GRK5: variants seen among roughly 807,000 people sequenced by gnomAD.
GRK5 encodes the protein g protein-coupled receptor kinase GRK5.
In GRK5, 40 loss-of-function variants were observed where a neutral mutation model predicts 78.4. That is an observed-to-expected ratio of 0.51 (90% CI 0.40 to 0.66). The LOEUF (loss-of-function observed/expected upper bound fraction) is 0.66, where lower values mean the gene tolerates loss of function less well. Ranked by LOEUF, GRK5 falls within the 30% of genes least tolerant of loss-of-function variation. The pLI is 0.00. For missense variants in GRK5, 598 were observed against 759.9 expected, an observed-to-expected ratio of 0.79 and a Z score of 2.50; for synonymous variants, 289 against 296.8, an observed-to-expected ratio of 0.97 and a Z score of 0.27.
chr10:119,399,397 G>A lies in GRK5; in HGVS notation c.339+2625G>A, dbSNP rs147616061. On this transcript the variant is annotated intron_variant, in intron 4 of 15. Transcript: ENST00000392870. ...CAAGGTGCTGGCTGAGGAGCTGAGC[G>A]AGTGACTGAGGCCCCAGCACTGGCT... Among the ~76,000 whole-genome samples, 420 of 152,308 alleles carry A rather than the reference G, an allele frequency of 2.8e-3. 1 individual carries two copies. Among genetic ancestry groups the A allele is most frequent in the African/African-American group, 9.5e-3 (393 of 41,562 alleles).
At chr10:119,310,604 A>C (rs958646042) in intron 1 of GRK5, among the ~76,000 whole-genome samples, 7 of 152,186 alleles carry the variant, frequency 4.6e-5, no homozygotes, top group Non-Finnish European at 8.8e-5. Context: ...AGACATTTTT[A>C]AGAAGATCAA....
In GRK5 at chr10:119,430,465, G is replaced by T; in HGVS notation, c.597+27G>T. The stretch of plus-strand genomic sequence containing the variant: ...TGAGTGAACATTCACGTTTTTAATT[G>T]AAAGTTCTTACATTCAAGTCACCTT... On this transcript the variant is annotated intron_variant, in intron 7 of 15. Coordinates refer to ENST00000392870, the MANE Select transcript of GRK5 (RefSeq NM_005308.3). This position sits in a 1 kb window ranked among gnomAD's most constrained non-coding sequence, Gnocchi z 4.5. 6.3e-7 allele frequency: 1 copy of T among 1,598,730 alleles called. No individual in the cohort carries two copies. The highest frequency in any genetic ancestry group is 8.6e-7 in the Non-Finnish European group (1 of 1,168,012).
In GRK5 at chr10:119,445,181, C is replaced by T. The variant is rs1853119121; in HGVS notation, c.1266+1429C>T. Reference sequence around the variant, plus strand: ...GGCTAGGGTGGGGGGACCGGAGGAGCAGTGCAGCACTGGTCGGGTAAATGG... The same window carrying T: ...GGCTAGGGTGGGGGGACCGGAGGAGTAGTGCAGCACTGGTCGGGTAAATGG... On this transcript the variant is annotated intron_variant, in intron 12 of 15. Transcript: ENST00000392870. This position sits in a 1 kb window ranked among gnomAD's most constrained non-coding sequence, Gnocchi z 4.1. Among the ~76,000 whole-genome samples the T allele has an allele frequency of 6.6e-6, 1 of 152,156 alleles. No individual in the cohort carries two copies. Among genetic ancestry groups the T allele is most frequent in the Non-Finnish European group, 1.5e-5 (1 of 68,026 alleles).
rs375540487 is a variant in GRK5, at chr10:119,327,581, C to T, written c.148+970C>T. Among the ~76,000 whole-genome samples the T allele has an allele frequency of 1.2e-4, 19 of 152,338 alleles. No homozygotes were observed. In the East Asian group the frequency reaches 1.5e-3, roughly 12 times the overall value. The stretch of plus-strand genomic sequence containing the variant: ...GCCCAGGGCCTCGGGTGAGCTGCCC[C>T]GTGCCTGCCCTGGAATTCAAGGCCA... On this transcript the variant is annotated intron_variant, in intron 2 of 15. Transcript: ENST00000392870.
At chr10:119,342,791 G>T (rs1232106598) in intron 2 of GRK5, among the ~76,000 whole-genome samples, 1 of 152,146 alleles carries the variant, frequency 6.6e-6, no homozygotes, top group Non-Finnish European at 1.5e-5. Context: ...GCGCAGGCTG[G>T]GCTACATTTA....
intron 1 of GRK5, among the ~76,000 whole-genome samples, chr10:119,263,929 AAAT>A (rs369678174): frequency 2.0e-5 from 3 of 151,956 alleles, no homozygotes; most frequent in Non-Finnish European, 4.4e-5. Context: ...CTCCGTCTCA[AAAT>A]AATAATAATA....
At chr10:119,218,338 T>C (rs1030483480) in intron 1 of GRK5, among the ~76,000 whole-genome samples, 1 of 152,094 alleles carries the variant, frequency 6.6e-6, no homozygotes, top group Non-Finnish European at 1.5e-5. Context: ...GGGTAGGAGA[T>C]AGAATTACCC....
chr10:119,386,859 GC>G (rs1434603209), intron 3 of GRK5, among the ~76,000 whole-genome samples: 2 of 152,162 alleles, frequency 1.3e-5, no homozygotes, highest in Non-Finnish European at 2.9e-5. Context: ...TTGCAGTAGC[GC>G]CCCGGGTGCT....
intron 2 of GRK5, among the ~76,000 whole-genome samples, chr10:119,355,888 G>A (rs1321287328): frequency 1.3e-5 from 2 of 152,198 alleles, no homozygotes; most frequent in Admixed American, 6.5e-5. Flanking sequence ...GCAGTAGAGG[G>A]AAGAAAAGGA....
chr10:119,228,771 T>TG (rs1462264563), intron 1 of GRK5, among the ~76,000 whole-genome samples: 1 of 152,146 alleles, frequency 6.6e-6, no homozygotes, highest in Non-Finnish European at 1.5e-5. Flanking sequence ...ATGTCTTTTT[T>TG]GGGGAGGGGG....
intron 2 of GRK5, among the ~76,000 whole-genome samples, chr10:119,376,080 T>TGTGA (rs1433258192): frequency 6.6e-6 from 1 of 152,214 alleles, no homozygotes; most frequent in African/African-American, 2.4e-5. Context: ...CCCTTTCCTG[T>TGTGA]GTGAGTCCAG....
rs1682450352 is a variant in GRK5, at chr10:119,445,600, G to GA, written c.1266+1848_1266+1849insA. On this transcript the variant is annotated intron_variant, in intron 12 of 15. Transcript: ENST00000392870. This position sits in a 1 kb window ranked among gnomAD's most constrained non-coding sequence, Gnocchi z 4.1. Reference sequence around the variant, plus strand: ...GGTACAAAACCACTGTCCTCTGGAAGCCTCTGGCCTTGCTGCGGCTTCCCT... The same window carrying GA: ...GGTACAAAACCACTGTCCTCTGGAAGACCTCTGGCCTTGCTGCGGCTTCCCT... 1.3e-5 allele frequency among the ~76,000 whole-genome samples: 2 copies of GA among 152,188 alleles called. No homozygotes were observed. The highest frequency in any genetic ancestry group is 4.8e-5 in the African/African-American group (2 of 41,452).
chr10:119,238,308 C>T lies in GRK5; in HGVS notation c.52+30339C>T, dbSNP rs1848966358. Among the ~76,000 whole-genome samples the T allele has an allele frequency of 6.6e-6, 1 of 152,094 alleles. No homozygotes were observed. Among genetic ancestry groups the T allele is most frequent in the Non-Finnish European group, 1.5e-5 (1 of 68,014 alleles). On this transcript the variant is annotated intron_variant, in intron 1 of 15. Coordinates refer to ENST00000392870, the MANE Select transcript of GRK5 (RefSeq NM_005308.3). The surrounding 1 kb of genome is among the most constrained non-coding windows in gnomAD (Gnocchi z 4.7). Reference sequence around the variant, plus strand: ...CCTTCTGCTGAAGATCTCAATTAAACTTTGGACTGGCTCATCCAGGGAGGT... The same window carrying T: ...CCTTCTGCTGAAGATCTCAATTAAATTTTGGACTGGCTCATCCAGGGAGGT...
intron 3 of GRK5, among the ~76,000 whole-genome samples, chr10:119,391,574 C>T (rs897448027): frequency 2.0e-5 from 3 of 151,966 alleles, no homozygotes; most frequent in Non-Finnish European, 4.4e-5. Flanking sequence ...GACGCGGGAT[C>T]GTGGGAGAAG....
chr10:119,208,104 G>A, intron 1 of GRK5, 135 bp downstream of exon 1: 1 of 761,314 alleles, frequency 1.3e-6, no homozygotes, highest in Non-Finnish European at 2.1e-6. Context: ...AGGACACTTC[G>A]GAGAGCGGCT....
intron 1 of GRK5, among the ~76,000 whole-genome samples, chr10:119,255,816 C>G (rs75563611): frequency 1.3e-5 from 2 of 152,104 alleles, no homozygotes; most frequent in East Asian, 1.9e-4. Context: ...GGTACACAGA[C>G]GAGCAAGGCC....
intron 2 of GRK5, among the ~76,000 whole-genome samples, chr10:119,343,430 C>T (rs780674712): frequency 7.2e-5 from 11 of 152,212 alleles, no homozygotes; most frequent in Non-Finnish European, 1.3e-4. Flanking sequence ...GTGCTGCCTT[C>T]CCCACCCCTA....
At chr10:119,422,067 C>T (rs1191724419) in intron 4 of GRK5, among the ~76,000 whole-genome samples, 1 of 152,168 alleles carries the variant, frequency 6.6e-6, no homozygotes, top group Non-Finnish European at 1.5e-5. Context: ...GCTGTGTCCA[C>T]ACCCCATCTT....
At chr10:119,320,111 A>C (rs1353852737) in intron 1 of GRK5, among the ~76,000 whole-genome samples, 2 of 152,226 alleles carry the variant, frequency 1.3e-5, no homozygotes, top group African/African-American at 2.4e-5. Context: ...CTGGCAGAGA[A>C]AGCCATGCCT....
Sources: gnomAD v4.1 joint callset for allele counts (sites outside exome capture counted in the v4.1 genomes callset) on GRCh38, gnomAD v4.1.1 for gene constraint, Gnocchi (gnomAD v3.1) non-coding constraint, MANE v1.5 for transcripts, NCBI Gene and HGNC (gene_info 2026-07-23, HGNC 2026-07-21) for gene names.